NEK10: variants seen among roughly 807,000 people sequenced by gnomAD.
NEK10 encodes the protein NIMA related kinase 10, also known as serine/threonine-protein kinase Nek10.
Under a neutral mutation model 159.8 loss-of-function variants are expected in NEK10, and 122 were observed. That is an observed-to-expected ratio of 0.76 (90% CI 0.66 to 0.89). The LOEUF (loss-of-function observed/expected upper bound fraction) is 0.89, where lower values mean the gene tolerates loss of function less well. Ranked by LOEUF, NEK10 falls within the 40% of genes least tolerant of loss-of-function variation. The pLI is 0.00. For missense variants in NEK10, 1,342 were observed against 1,323.1 expected, an observed-to-expected ratio of 1.01 and a Z score of -0.22; for synonymous variants, 466 against 457.1, an observed-to-expected ratio of 1.02 and a Z score of -0.25.
At chr3:27,129,089 C>T (rs1381353045) in intron 32 of NEK10, among the ~76,000 whole-genome samples, 1 of 152,106 alleles carries the variant, frequency 6.6e-6, no homozygotes, top group African/African-American at 2.4e-5. Context: ...TGCTGAAAAT[C>T]CTAGTTCCCA....
intron 6 of NEK10, among the ~76,000 whole-genome samples, chr3:27,321,208 C>T (rs184239516): frequency 2.6e-5 from 4 of 152,016 alleles, no homozygotes; most frequent in African/African-American, 9.7e-5. Context: ...TAGAGCCTCA[C>T]AGCTAAAGCA....
At chr3:27,333,947 C>T (rs2046613037) in intron 5 of NEK10, among the ~76,000 whole-genome samples, 1 of 152,204 alleles carries the variant, frequency 6.6e-6, no homozygotes, top group Admixed American at 6.5e-5. Context: ...TGCCTCTCCA[C>T]CAACACCACC....
At chr3:27,249,429 T>C (rs1955428981) in intron 23 of NEK10, among the ~76,000 whole-genome samples, 1 of 152,228 alleles carries the variant, frequency 6.6e-6, no homozygotes, top group Non-Finnish European at 1.5e-5. Context: ...ATATTTACAA[T>C]TGTTATATCT....
At chr3:27,313,487 A>G (rs2044877106) in intron 7 of NEK10, among the ~76,000 whole-genome samples, 1 of 152,096 alleles carries the variant, frequency 6.6e-6, no homozygotes, top group African/African-American at 2.4e-5. Context: ...TGTTTTGAAC[A>G]TCTTCATAAT....
At chr3:27,344,139 C>A in intron 5 of NEK10, 133 bp downstream of exon 5, 1 of 524,130 alleles carries the variant, frequency 1.9e-6, no homozygotes, top group Non-Finnish European at 3.4e-6. Flanking sequence ...TCTGTAATGC[C>A]TACTCATTTG....
At chr3:27,302,416 A>G (rs1289787939) in intron 12 of NEK10, among the ~76,000 whole-genome samples, 2 of 151,724 alleles carry the variant, frequency 1.3e-5, no homozygotes, top group Non-Finnish European at 2.9e-5. Flanking sequence ...GTGATCTAGC[A>G]ATTTATCGGT....
In NEK10 at chr3:27,174,455, CAG is replaced by C; in HGVS notation, c.2758_2759del (p.Leu920GlufsTer13). The C allele has an allele frequency of 6.2e-7, 1 of 1,611,414 alleles. No homozygotes were observed. The highest frequency in any genetic ancestry group is 8.5e-7 in the Non-Finnish European group (1 of 1,179,614). On this transcript the variant is annotated frameshift_variant, in exon 28 of 36. Coordinates refer to ENST00000691995, the MANE Select transcript of NEK10 (RefSeq NM_001394966.1). LOFTEE classifies it high-confidence loss of function. ...DNSSSSSSSP[L>X]KESTFNILKR... ...AAAGCTTACTGAATGTAGATTCTTT[CAG>C]AGGGCTTGAACTGGAGCTGCTGGAG...
At chr3:27,334,783 T>C (rs993938155) in intron 5 of NEK10, among the ~76,000 whole-genome samples, 1 of 152,104 alleles carries the variant, frequency 6.6e-6, no homozygotes, top group African/African-American at 2.4e-5. Context: ...GAAGTGACTA[T>C]TATACCAGAT....
At chr3:27,141,663 C>G in intron 30 of NEK10, 81 bp from the exon 31 acceptor site, 2 of 1,084,350 alleles carry the variant, frequency 1.8e-6, no homozygotes, top group East Asian at 4.8e-5. Flanking sequence ...AATTCTAACA[C>G]AAATTTTAAA....
chr3:27,234,044 A>C (rs1438013258), intron 23 of NEK10, among the ~76,000 whole-genome samples: 1 of 152,156 alleles, frequency 6.6e-6, no homozygotes, highest in East Asian at 1.9e-4. Context: ...CAATAGATTC[A>C]GAAAAGGCTT....
intron 32 of NEK10, among the ~76,000 whole-genome samples, chr3:27,122,220 C>T (rs1941418857): frequency 6.6e-6 from 1 of 152,004 alleles, no homozygotes; most frequent in Admixed American, 6.6e-5. Context: ...CTGGCATTTC[C>T]CCTGCTTGCA....
chr3:27,320,456 T>C (rs2045539631), intron 6 of NEK10, among the ~76,000 whole-genome samples: 1 of 152,164 alleles, frequency 6.6e-6, no homozygotes, highest in Non-Finnish European at 1.5e-5. Flanking sequence ...CTGAGACACA[T>C]TGGAGAATAA....
intron 22 of NEK10, among the ~76,000 whole-genome samples, chr3:27,277,394 G>C (rs958891740): frequency 2.6e-5 from 4 of 152,094 alleles, no homozygotes; most frequent in South Asian, 2.1e-4. Context: ...CCTAAACTGA[G>C]TATCTGGGTC....
chr3:27,304,000 C>G (rs1291598324), intron 12 of NEK10, among the ~76,000 whole-genome samples: 1 of 152,102 alleles, frequency 6.6e-6, no homozygotes, highest in Non-Finnish European at 1.5e-5. Flanking sequence ...GATGGTACCA[C>G]AAGATATTAT....
intron 5 of NEK10, among the ~76,000 whole-genome samples, chr3:27,327,863 C>T (rs1313061276): frequency 6.6e-6 from 1 of 151,856 alleles, no homozygotes; most frequent in Non-Finnish European, 1.5e-5. Context: ...CACATATCAC[C>T]TCAAATTCAT....
intron 23 of NEK10, among the ~76,000 whole-genome samples, chr3:27,225,473 A>G (rs1952544382): frequency 6.6e-6 from 1 of 152,048 alleles, no homozygotes; most frequent in South Asian, 2.1e-4. Flanking sequence ...CTTTTCTTTA[A>G]TCCTTATTGT....
At chr3:27,340,705 T>C (rs1034365087) in intron 5 of NEK10, among the ~76,000 whole-genome samples, 4 of 152,036 alleles carry the variant, frequency 2.6e-5, no homozygotes, top group African/African-American at 9.7e-5. Flanking sequence ...GACAAAAAAC[T>C]AACAGATGAG....
At chr3:27,209,476 C>A (rs1193577249) in intron 23 of NEK10, among the ~76,000 whole-genome samples, 2 of 152,238 alleles carry the variant, frequency 1.3e-5, no homozygotes, top group African/African-American at 4.8e-5. Flanking sequence ...TATGCATTAA[C>A]ATGCCTTAAC....
intron 26 of NEK10, 26 bp from the exon 27 acceptor site, chr3:27,174,859 T>G (rs535112453): frequency 6.5e-7 from 1 of 1,541,534 alleles, no homozygotes; most frequent in Non-Finnish European, 8.7e-7. Flanking sequence ...CAGTTTTTCA[T>G]AGCCTCTTTC....
Sources: gnomAD v4.1 joint callset for allele counts (sites outside exome capture counted in the v4.1 genomes callset) on GRCh38, gnomAD v4.1.1 for gene constraint, MANE v1.5 for transcripts, NCBI Gene and HGNC (gene_info 2026-07-23, HGNC 2026-07-21) for gene names.